SHANK2: variants seen among roughly 807,000 people sequenced by gnomAD.
SHANK2 encodes SH3 and multiple ankyrin repeat domains protein 2.
Under a neutral mutation model 133.7 loss-of-function variants are expected in SHANK2, and 43 were observed. That is an observed-to-expected ratio of 0.32 (90% confidence interval 0.25 to 0.41). SHANK2 has a LOEUF of 0.41. Among genes scored for constraint, SHANK2 ranks in the 10% least tolerant of loss-of-function variants. SHANK2 has a pLI of 1.00. For synonymous variants in SHANK2, 1,017 were observed against 952.8 expected (o/e 1.07, Z -1.24); for missense variants, 1,994 against 2,235.8 (o/e 0.89, Z 2.18).
rs1186581091 is a variant in SHANK2, at chr11:70,472,604, G to A, written c.*265C>T. 3 of 520,970 alleles carry A rather than the reference G, an allele frequency of 5.8e-6. No individual in the cohort carries two copies. In the East Asian group the frequency reaches 1.0e-4, roughly 18 times the overall value. 32.3% of individuals were successfully genotyped at this position (520,970 alleles called of 1,614,324 possible). On this transcript the variant is annotated 3_prime_UTR_variant, in exon 26 of 26. Transcript: ENST00000601538. The surrounding 1 kb of genome is among the most constrained non-coding windows in gnomAD (Gnocchi z 4.4). ...GAGGCCACCTGCATGCTGGGCGGCAGGCTGAGAATCTTTTTCCATGTTAGA... is the reference window on the plus strand; with the variant it reads ...GAGGCCACCTGCATGCTGGGCGGCAAGCTGAGAATCTTTTTCCATGTTAGA...
intron 17 of SHANK2, among the ~76,000 whole-genome samples, chr11:70,611,252 A>G (rs540133639): frequency 2.0e-5 from 3 of 152,314 alleles, no homozygotes; most frequent in African/African-American, 7.2e-5. Context: ...AAGCTCACAA[A>G]GGGGAGTTTA....
intron 2 of SHANK2, among the ~76,000 whole-genome samples, chr11:71,185,025 G>A (rs1336759354): frequency 6.6e-6 from 1 of 152,180 alleles, no homozygotes; most frequent in Non-Finnish European, 1.5e-5. Context: ...TGTACCCCGT[G>A]AGGGCAGGCC....
chr11:70,734,293 T>C (rs1246767406), intron 14 of SHANK2, among the ~76,000 whole-genome samples: 12 of 152,288 alleles, frequency 7.9e-5, no homozygotes, highest in African/African-American at 2.9e-4. Context: ...CTGATGCTTC[T>C]GAGCAGGGAT....
intron 10 of SHANK2, among the ~76,000 whole-genome samples, chr11:70,952,328 G>A (rs7110946): frequency 0.19 from 29,073 of 152,138 alleles, 2,915 homozygotes; most frequent in Middle Eastern, 0.31. Context: ...TAGAATTCTG[G>A]AAACAAGTTC....
At chr11:70,877,413 C>G (rs781800078) in intron 11 of SHANK2, among the ~76,000 whole-genome samples, 32 of 151,924 alleles carry the variant, frequency 2.1e-4, no homozygotes, top group Non-Finnish European at 4.3e-4. Context: ...TTCTGCTGTT[C>G]TATTCTTTGG....
At position 71,188,118 on chromosome 11, in the gene SHANK2, G is replaced by A. The variant is rs541628756; in HGVS notation, c.-13+36579C>T. Among the ~76,000 whole-genome samples, 97 of 152,224 alleles carry A rather than the reference G, an allele frequency of 6.4e-4. 1 individual carries two copies. Among genetic ancestry groups the A allele is most frequent in the Non-Finnish European group, 7.2e-4 (49 of 68,006 alleles). On this transcript the variant is annotated intron_variant, in intron 2 of 25. Transcript: ENST00000601538. The surrounding 1 kb of genome is among the most constrained non-coding windows in gnomAD (Gnocchi z 4.6). ...ACATCTGCTCCTCCCATTAGAAACTGAGACATCACCGGAGACGTTTCCCTC... is the reference window on the plus strand; with the variant it reads ...ACATCTGCTCCTCCCATTAGAAACTAAGACATCACCGGAGACGTTTCCCTC...
intron 14 of SHANK2, among the ~76,000 whole-genome samples, chr11:70,760,361 T>C (rs1555039919): frequency 6.6e-6 from 1 of 152,152 alleles, no homozygotes; most frequent in Admixed American, 6.5e-5. Context: ...TTTATAATAG[T>C]CTCCCTTCTA....
chr11:70,706,743 A>T (rs11237238), intron 14 of SHANK2, among the ~76,000 whole-genome samples: 54,802 of 150,962 alleles, frequency 0.36, 10,980 homozygotes, highest in Non-Finnish European at 0.46. Flanking sequence ...ATCTACACTG[A>T]AAGGAAAAAA....
chr11:70,702,297 T>TTCACCATCATCACAA (rs782255708), intron 14 of SHANK2, among the ~76,000 whole-genome samples: 12,708 of 140,310 alleles, frequency 0.091, 702 homozygotes, highest in African/African-American at 0.15. Flanking sequence ...CACCATCTTC[T>TTCACCATCATCACAA]TCACCATCAT....
At chr11:71,194,878 C>A (rs568463047) in intron 2 of SHANK2, among the ~76,000 whole-genome samples, 123 of 152,296 alleles carry the variant, frequency 8.1e-4, no homozygotes, top group Middle Eastern at 3.4e-3. Context: ...AATCCTGGGT[C>A]CCAGCGCTAC....
At chr11:71,199,165 G>A (rs190834155) in intron 2 of SHANK2, among the ~76,000 whole-genome samples, 6 of 152,272 alleles carry the variant, frequency 3.9e-5, no homozygotes, top group East Asian at 3.9e-4. Context: ...GTAGGCCAGC[G>A]TTCTCAGCTC....
rs112611918 is a variant in SHANK2 at position 71,155,397 on chromosome 11, G to A, written c.-12-8059C>T. On this transcript the variant is annotated intron_variant, in intron 2 of 25. Transcript: ENST00000601538. ...CTCCCAGAGGGGTGGACCTACCCCC[G>A]CCCACGCTCCCAGAAGAGGGATGGA... is the stretch of plus-strand genomic sequence containing the variant. Among the ~76,000 whole-genome samples the A allele has an allele frequency of 9.3e-3, 866 of 93,546 alleles. 16 individuals are homozygous for A. The highest frequency in any genetic ancestry group is 0.033 in the African/African-American group (818 of 24,654). The allele number at this position is 93,546 out of a possible 152,430, so 61.4% of individuals were successfully genotyped here.
chr11:70,560,463 C>T (rs1410816772), intron 17 of SHANK2, among the ~76,000 whole-genome samples: 3 of 142,696 alleles, frequency 2.1e-5, no homozygotes, highest in Non-Finnish European at 3.0e-5. Context: ...CAATGTAATT[C>T]CTGTCACATC....
intron 13 of SHANK2, among the ~76,000 whole-genome samples, chr11:70,802,201 T>C (rs1555050703): frequency 6.6e-6 from 1 of 152,160 alleles, no homozygotes; most frequent in Non-Finnish European, 1.5e-5. Context: ...ACACAGACGA[T>C]GCTTTAAGGC....
At chr11:71,182,045 A>G (rs1555113868) in intron 2 of SHANK2, among the ~76,000 whole-genome samples, 1 of 152,072 alleles carries the variant, frequency 6.6e-6, no homozygotes, top group Non-Finnish European at 1.5e-5. Flanking sequence ...GGCTGTGATG[A>G]CAAGTGTTTT....
At chr11:70,799,708 C>T (rs542521119) in intron 13 of SHANK2, among the ~76,000 whole-genome samples, 1 of 152,256 alleles carries the variant, frequency 6.6e-6, no homozygotes, top group South Asian at 2.1e-4. Context: ...GTCCTGGGGA[C>T]CACGCACATC....
intron 9 of SHANK2, among the ~76,000 whole-genome samples, chr11:71,064,958 A>T (rs1951030399): frequency 6.6e-6 from 1 of 152,140 alleles, no homozygotes; most frequent in Admixed American, 6.5e-5. Flanking sequence ...TAGAAGGCGC[A>T]CAAGGACACA....
intron 17 of SHANK2, among the ~76,000 whole-genome samples, chr11:70,617,454 G>C (rs782560534): frequency 6.6e-6 from 1 of 151,448 alleles, no homozygotes; most frequent in Non-Finnish European, 1.5e-5. Context: ...AGAAAGAAAC[G>C]CGAGGAACGG....
At chr11:70,532,839 C>A (rs1333118871) in intron 17 of SHANK2, among the ~76,000 whole-genome samples, 4 of 152,100 alleles carry the variant, frequency 2.6e-5, no homozygotes, top group Non-Finnish European at 5.9e-5. Context: ...ATTCAGTAGC[C>A]AAAAGATGGA....
Sources: allele counts gnomAD v4.1 joint callset (sites outside exome capture counted in the v4.1 genomes callset), GRCh38; gene constraint gnomAD v4.1.1; non-coding constraint Gnocchi (gnomAD v3.1); transcripts MANE v1.5; gene names NCBI Gene and HGNC (gene_info 2026-07-23, HGNC 2026-07-21).